RANBP2: variants seen among roughly 807,000 people sequenced by gnomAD.
RANBP2 encodes the protein RAN binding protein 2, also known as E3 SUMO-protein ligase RanBP2.
In RANBP2, 57 loss-of-function variants were observed where a neutral mutation model predicts 303.6. That is an observed-to-expected ratio of 0.19 (90% CI 0.15 to 0.23). The LOEUF is 0.23. RANBP2 is among the 10% of genes least tolerant of loss of function. The probability of loss-of-function intolerance (pLI) is 1.00; values close to 1 mark genes in which losing one functional copy is unlikely to be tolerated. For synonymous variants in RANBP2, 1,167 were observed against 1,301.5 expected, an observed-to-expected ratio of 0.90 and a Z score of 2.23; for missense variants, 3,138 against 3,780.8, an observed-to-expected ratio of 0.83 and a Z score of 4.46.
chr2:108,875,110 T>C, the RANBP2 span, among the ~76,000 whole-genome samples: 13 of 151,926 alleles, frequency 8.6e-5, no homozygotes, highest in African/African-American at 3.1e-4. Context: ...CCACAAAAGA[T>C]GTAAATCCTT....
chr2:109,463,521 G>A, the RANBP2 span, among the ~76,000 whole-genome samples: 7 of 152,194 alleles, frequency 4.6e-5, no homozygotes, highest in African/African-American at 1.2e-4. Context: ...TCTCATAGTC[G>A]TGGTGAAAGG....
rs376409146 is a variant in RANBP2, at chr2:108,752,009, A to G, written c.1755+15A>G. On this transcript the variant is annotated intron_variant, in intron 12 of 28. Coordinates refer to ENST00000283195, the MANE Select transcript of RANBP2 (RefSeq NM_006267.5). ...TTCAGAAAACGGTGAGTTTTAAAGTATAAGCATTTTTAAAGAACATTACCT... is the reference window on the plus strand; with the variant it reads ...TTCAGAAAACGGTGAGTTTTAAAGTGTAAGCATTTTTAAAGAACATTACCT... 135 of 1,611,408 alleles carry G rather than the reference A, an allele frequency of 8.4e-5. No individual in the cohort carries two copies. In the African/African-American group the frequency reaches 1.6e-3, roughly 19 times the overall value.
the RANBP2 span, among the ~76,000 whole-genome samples, chr2:109,644,075 C>T: frequency 3.3e-5 from 5 of 151,400 alleles, no homozygotes; most frequent in South Asian, 2.1e-4. Context: ...GAGCTGAGAT[C>T]GCACCACTGC....
the RANBP2 span, among the ~76,000 whole-genome samples, chr2:109,492,457 G>C: frequency 0.014 from 2,161 of 152,194 alleles, 49 homozygotes; most frequent in African/African-American, 0.05. Context: ...ACAAGAGCTG[G>C]GTGTTCTGCA....
chr2:109,695,199 T>G, the RANBP2 span, among the ~76,000 whole-genome samples: 2 of 152,188 alleles, frequency 1.3e-5, no homozygotes, highest in African/African-American at 4.8e-5. Flanking sequence ...CTTAAGGGAA[T>G]TCTTAATTGC....
the RANBP2 span, among the ~76,000 whole-genome samples, chr2:108,961,260 T>G: frequency 6.6e-6 from 1 of 151,942 alleles, no homozygotes; most frequent in Non-Finnish European, 1.5e-5. Flanking sequence ...AGGGAACAGT[T>G]GCCAGTCCTT....
At chr2:109,694,406 CT>C in the RANBP2 span, among the ~76,000 whole-genome samples, 146 of 137,874 alleles carry the variant, frequency 1.1e-3, 1 homozygote, top group South Asian at 4.4e-3. Flanking sequence ...AACTAAACCT[CT>C]TTTTTTTTTT....
At chr2:109,378,432 C>T in the RANBP2 span, among the ~76,000 whole-genome samples, 1 of 152,300 alleles carries the variant, frequency 6.6e-6, no homozygotes, top group African/African-American at 2.4e-5. Context: ...GGAACACCTC[C>T]GACTCTTAAT....
At chr2:109,074,944 G>T in the RANBP2 span, among the ~76,000 whole-genome samples, 1 of 144,124 alleles carries the variant, frequency 6.9e-6, no homozygotes, top group African/African-American at 2.5e-5. Context: ...TTGCTTAACC[G>T]GGATCCGGGA....
At chr2:109,123,321 TC>T in the RANBP2 span, among the ~76,000 whole-genome samples, 5,441 of 23,598 alleles carry the variant, frequency 0.23, 138 homozygotes, top group Non-Finnish European at 0.45. Context: ...TTTCTTTCTT[TC>T]CTTCCTTCCT....
At chr2:109,572,183 T>G in the RANBP2 span, among the ~76,000 whole-genome samples, 22 of 152,220 alleles carry the variant, frequency 1.4e-4, no homozygotes, top group African/African-American at 5.1e-4. Context: ...TAGGCTGGAG[T>G]GCAGTGGTGT....
At chr2:109,076,008 A>G in the RANBP2 span, among the ~76,000 whole-genome samples, 5 of 150,864 alleles carry the variant, frequency 3.3e-5, no homozygotes, top group African/African-American at 1.2e-4. Context: ...ACATGCCAAT[A>G]TCTCTGATGA....
chr2:108,906,993 C>T, the RANBP2 span, among the ~76,000 whole-genome samples: 11 of 152,218 alleles, frequency 7.2e-5, no homozygotes, highest in African/African-American at 1.7e-4. Context: ...AGCTGTCCTG[C>T]GGCTGGGGCC....
chr2:109,695,425 G>C, the RANBP2 span, among the ~76,000 whole-genome samples: 8 of 152,162 alleles, frequency 5.3e-5, no homozygotes, highest in African/African-American at 1.9e-4. Flanking sequence ...TTACCCAGTA[G>C]TCCCTGCTGA....
the RANBP2 span, among the ~76,000 whole-genome samples, chr2:109,134,336 G>T: frequency 6.6e-6 from 1 of 152,168 alleles, no homozygotes; most frequent in Non-Finnish European, 1.5e-5. Context: ...AGAGGAAAAG[G>T]CTGGCACTTG....
At chr2:109,476,737 A>G in the RANBP2 span, among the ~76,000 whole-genome samples, 1 of 152,242 alleles carries the variant, frequency 6.6e-6, no homozygotes, top group Non-Finnish European at 1.5e-5. Context: ...AAGGAATACA[A>G]GAATAGCTGT....
chr2:109,291,623 A>G, the RANBP2 span, among the ~76,000 whole-genome samples: 1 of 152,186 alleles, frequency 6.6e-6, no homozygotes, highest in Non-Finnish European at 1.5e-5. Flanking sequence ...TGGTGGGGAA[A>G]TGTGTGGAGG....
At chr2:109,124,019 T>TATTA in the RANBP2 span, among the ~76,000 whole-genome samples, 4 of 125,660 alleles carry the variant, frequency 3.2e-5, no homozygotes, top group East Asian at 2.3e-4. Flanking sequence ...TTTATTTATT[T>TATTA]ATTATTTTTT....
At chr2:108,957,927 T>C in the RANBP2 span, among the ~76,000 whole-genome samples, 5 of 152,204 alleles carry the variant, frequency 3.3e-5, no homozygotes, top group Non-Finnish European at 5.9e-5. Flanking sequence ...GTCTCTTTAA[T>C]ATAAACAAGA....
Sources: gnomAD v4.1 joint callset for allele counts (sites outside exome capture counted in the v4.1 genomes callset) on GRCh38, gnomAD v4.1.1 for gene constraint, MANE v1.5 for transcripts, NCBI Gene and HGNC (gene_info 2026-07-23, HGNC 2026-07-21) for gene names.